Variants in PLXNC1 observed in about 807,000 individuals in gnomAD.
PLXNC1 encodes plexin C1.
PLXNC1 carries 75 observed loss-of-function variants against 178.2 expected under a neutral mutation model. The observed-to-expected ratio is 0.42, with a 90% CI of 0.35 to 0.51. The LOEUF is 0.51. Among genes scored for constraint, PLXNC1 ranks in the 20% least tolerant of loss-of-function variants. The pLI is 0.02. For synonymous variants in PLXNC1, 790 were observed against 779.9 expected, an observed-to-expected ratio of 1.01 and a Z score of -0.22; for missense variants, 1,503 against 1,984.4, an observed-to-expected ratio of 0.76 and a Z score of 4.61.
chr12:94,204,865 T>A (rs1963251706), intron 4 of PLXNC1, among the ~76,000 whole-genome samples: 1 of 152,218 alleles, frequency 6.6e-6, no homozygotes, highest in African/African-American at 2.4e-5. Context: ...ATTGTTTCCT[T>A]GTTAAAAGTT....
chr12:94,206,701 G>A (rs1396796437), intron 4 of PLXNC1, among the ~76,000 whole-genome samples: 1 of 152,190 alleles, frequency 6.6e-6, no homozygotes, highest in Non-Finnish European at 1.5e-5. Context: ...GTAATAGTAA[G>A]TCAAGAAAGC....
chr12:94,307,471 C>CTT lies in PLXNC1; in HGVS notation c.*2188_*2189dup, dbSNP rs1969170415. ...GCAAACAATTTCTATTTTCAAGTTT[C>CTT]TTTGCATATTTTTTTGGTGCAAAAC... On this transcript the variant is annotated 3_prime_UTR_variant, in exon 31 of 31. Coordinates refer to ENST00000258526, the MANE Select transcript of PLXNC1 (RefSeq NM_005761.3). 6.6e-6 allele frequency: 1 copy of CTT among 152,140 alleles called. No individual in the cohort carries two copies. Among genetic ancestry groups the CTT allele is most frequent in the Non-Finnish European group, 1.5e-5 (1 of 68,004 alleles). 9.4% of individuals were successfully genotyped at this position (152,140 alleles called of 1,614,324 possible).
intron 18 of PLXNC1, 35 bp from the exon 19 acceptor site, chr12:94,259,575 T>C (rs1681871): frequency 7.0e-7 from 1 of 1,434,036 alleles, no homozygotes; most frequent in South Asian, 1.4e-5. Flanking sequence ...ATATATGATT[T>C]TGTATTATAC....
chr12:94,299,562 A>G (rs930455027), intron 27 of PLXNC1, among the ~76,000 whole-genome samples: 1 of 141,080 alleles, frequency 7.1e-6, no homozygotes, highest in Non-Finnish European at 1.6e-5. Context: ...CCTGTGTTCT[A>G]GCCTCTTTTT....
intron 2 of PLXNC1, among the ~76,000 whole-genome samples, chr12:94,175,380 A>G (rs536676401): frequency 6.6e-6 from 1 of 152,264 alleles, no homozygotes; most frequent in African/African-American, 2.4e-5. Context: ...TCTCATGGTA[A>G]TCGTAAAGAA....
rs373012754 is a variant in PLXNC1, at chr12:94,177,211, A to G, written c.1204-4235A>G. Among the ~76,000 whole-genome samples the G allele has an allele frequency of 1.4e-3, 68 of 50,014 alleles. 1 individual carries two copies. Among genetic ancestry groups the G allele is most frequent in the Middle Eastern group, 8.1e-3 (1 of 124 alleles). 32.8% of individuals were successfully genotyped at this position (50,014 alleles called of 152,430 possible). On this transcript the variant is annotated intron_variant, in intron 2 of 30. Transcript: ENST00000258526. ...TGTATATATATATACGTATATATAT[A>G]TGTGTGTGTATATATATACATATAT... is the stretch of plus-strand genomic sequence containing the variant.
intron 4 of PLXNC1, among the ~76,000 whole-genome samples, chr12:94,187,793 C>T (rs1962574332): frequency 1.3e-5 from 2 of 152,068 alleles, no homozygotes; most frequent in South Asian, 4.2e-4. Context: ...AAGCTCAGCT[C>T]TGGAGCTTTT....
intron 24 of PLXNC1, among the ~76,000 whole-genome samples, chr12:94,296,553 C>T (rs574410035): frequency 2.0e-5 from 3 of 152,166 alleles, no homozygotes; most frequent in Admixed American, 6.5e-5. Context: ...CCTCACTCTG[C>T]GCTACTCTTG....
At chr12:94,190,580 A>G (rs1253435351) in intron 4 of PLXNC1, among the ~76,000 whole-genome samples, 1 of 152,058 alleles carries the variant, frequency 6.6e-6, no homozygotes, top group Non-Finnish European at 1.5e-5. Context: ...CCCCTATCCC[A>G]GTGCGCTCCA....
intron 2 of PLXNC1, among the ~76,000 whole-genome samples, chr12:94,170,716 T>C (rs796804240): frequency 2.4e-4 from 36 of 149,148 alleles, no homozygotes; most frequent in African/African-American, 8.5e-4. Context: ...CAGTGCTGAG[T>C]GCCTGGTAGG....
chr12:94,240,764 C>A, intron 11 of PLXNC1, 100 bp downstream of exon 11: 1 of 922,432 alleles, frequency 1.1e-6, no homozygotes, highest in Non-Finnish European at 1.7e-6. Flanking sequence ...AGTGGTCATT[C>A]CAAATTCCTC....
intron 20 of PLXNC1, 60 bp from the exon 21 acceptor site, chr12:94,265,019 C>A: frequency 1.3e-6 from 2 of 1,544,136 alleles, no homozygotes; most frequent in Non-Finnish European, 8.9e-7. Context: ...AACTTTAATT[C>A]TTTGGAAAGT....
In PLXNC1 at chr12:94,241,512, C is replaced by T. The variant is rs112749362; in HGVS notation, c.2300+848C>T. On this transcript the variant is annotated intron_variant, in intron 11 of 30. Transcript: ENST00000258526. ...AAACCCTCTTTATCCCTCTCTGGCC[C>T]CGCCACACCACCCTTCCCAGCCTCT... 1.5e-3 allele frequency among the ~76,000 whole-genome samples: 230 copies of T among 152,278 alleles called. 1 individual carries two copies. The highest frequency in any genetic ancestry group is 5.5e-3 in the African/African-American group (227 of 41,558).
chr12:94,189,264 C>T (rs540621233), intron 4 of PLXNC1, among the ~76,000 whole-genome samples: 6 of 152,038 alleles, frequency 3.9e-5, no homozygotes, highest in Non-Finnish European at 5.9e-5. Context: ...ATGATGATAT[C>T]GATATGGATG....
chr12:94,289,834 ACTCACACATACGCG>A (rs1463983028), intron 23 of PLXNC1, among the ~76,000 whole-genome samples: 16 of 152,202 alleles, frequency 1.1e-4, no homozygotes, highest in Admixed American at 9.2e-4. Context: ...TTAGAAATGC[ACTCACACATACGCG>A]CTCACACACA....
intron 21 of PLXNC1, chr12:94,272,316 A>C (rs1276571721): frequency 1.3e-5 from 2 of 152,216 alleles, no homozygotes; most frequent in African/African-American, 4.8e-5. Context: ...TCTTGTCCTC[A>C]TATTCTAAGT....
intron 23 of PLXNC1, among the ~76,000 whole-genome samples, chr12:94,293,020 A>G (rs550443611): frequency 9.2e-5 from 14 of 152,186 alleles, no homozygotes; most frequent in Non-Finnish European, 2.1e-4. Context: ...TCTTCTCCAA[A>G]TATCTAACAT....
chr12:94,226,245 G>A (rs1963935138), intron 7 of PLXNC1, among the ~76,000 whole-genome samples: 1 of 152,178 alleles, frequency 6.6e-6, no homozygotes, highest in South Asian at 2.1e-4. Flanking sequence ...CCTGATTTTG[G>A]AAGGCAGAGT....
At chr12:94,175,398 T>A (rs150725881) in intron 2 of PLXNC1, among the ~76,000 whole-genome samples, 1 of 151,962 alleles carries the variant, frequency 6.6e-6, no homozygotes, top group African/African-American at 2.4e-5. Context: ...GAAAAAAAAA[T>A]AGTTTTTTGT....
Sources: allele counts gnomAD v4.1 joint callset (sites outside exome capture counted in the v4.1 genomes callset), GRCh38; gene constraint gnomAD v4.1.1; transcripts MANE v1.5; gene names NCBI Gene and HGNC (gene_info 2026-07-23, HGNC 2026-07-21).